Variants in PLEKHG1 observed in about 807,000 individuals in gnomAD.
PLEKHG1 encodes the protein pleckstrin homology and RhoGEF domain containing G1.
In PLEKHG1, 44 loss-of-function variants were observed where a neutral mutation model predicts 100.8. The observed-to-expected ratio is 0.44, with a 90% CI of 0.34 to 0.56. The LOEUF (loss-of-function observed/expected upper bound fraction) is 0.56. PLEKHG1 is among the 20% of genes least tolerant of loss of function. The pLI is 0.01. For missense variants in PLEKHG1, 1,545 were observed against 1,720.9 expected (o/e 0.90, Z 1.81); for synonymous variants, 640 against 662.5 (o/e 0.97, Z 0.52).
At chr6:150,812,516 C>T (rs147986149) in intron 10 of PLEKHG1, among the ~76,000 whole-genome samples, 9 of 152,134 alleles carry the variant, frequency 5.9e-5, no homozygotes, top group African/African-American at 1.2e-4. Flanking sequence ...AACAGAAAAG[C>T]AGATTTTATA....
chr6:150,689,337 T>C (rs1375205011), intron 3 of PLEKHG1, among the ~76,000 whole-genome samples: 1 of 152,198 alleles, frequency 6.6e-6, no homozygotes, highest in African/African-American at 2.4e-5. Flanking sequence ...TTCAACCTAC[T>C]GGTATTTTTA....
At chr6:150,737,544 G>C (rs940815360) in intron 2 of PLEKHG1, among the ~76,000 whole-genome samples, 1 of 151,900 alleles carries the variant, frequency 6.6e-6, no homozygotes, top group African/African-American at 2.4e-5. Flanking sequence ...CACCCGCCTC[G>C]GCCTCCCAAA....
intron 5 of PLEKHG1, among the ~76,000 whole-genome samples, chr6:150,796,694 G>A (rs1786353232): frequency 6.6e-6 from 1 of 152,080 alleles, no homozygotes; most frequent in South Asian, 2.1e-4. Flanking sequence ...CCCAGTGCCT[G>A]GCCCCTCCTA....
chr6:150,764,163 G>C (rs186492116), intron 2 of PLEKHG1, among the ~76,000 whole-genome samples: 90 of 148,076 alleles, frequency 6.1e-4, no homozygotes, highest in African/African-American at 2.3e-3. Flanking sequence ...TGTTGCCCAG[G>C]CTGGAGTGCA....
chr6:150,669,781 A>G (rs1779524053), intron 3 of PLEKHG1, among the ~76,000 whole-genome samples: 1 of 151,790 alleles, frequency 6.6e-6, no homozygotes, highest in African/African-American at 2.4e-5. Context: ...TATTTTTAGT[A>G]GAGACAGGGT....
chr6:150,805,689 G>A (rs567689572), intron 7 of PLEKHG1, among the ~76,000 whole-genome samples: 5 of 152,054 alleles, frequency 3.3e-5, no homozygotes, highest in East Asian at 3.9e-4. Flanking sequence ...CACCACGCCC[G>A]GCTCATTTTG....
intron 3 of PLEKHG1, among the ~76,000 whole-genome samples, chr6:150,774,531 ATTTTTTTTTT>A (rs61521577): frequency 2.3e-4 from 20 of 87,110 alleles, no homozygotes; most frequent in African/African-American, 6.8e-4. Flanking sequence ...ATTAGTTTGA[ATTTTTTTTTT>A]TTTTTTTTTT....
intron 2 of PLEKHG1, among the ~76,000 whole-genome samples, chr6:150,765,465 G>T (rs759002238): frequency 6.6e-6 from 1 of 150,780 alleles, no homozygotes; most frequent in Non-Finnish European, 1.5e-5. Context: ...CTGCACTCCA[G>T]CTTGGGTGAC....
At chr6:150,682,136 C>A (rs1423154985) in intron 3 of PLEKHG1, among the ~76,000 whole-genome samples, 1 of 152,164 alleles carries the variant, frequency 6.6e-6, no homozygotes, top group Non-Finnish European at 1.5e-5. Context: ...AGCCTCTGTG[C>A]ATGGTGAGGC....
At chr6:150,674,684 C>CCTCTCTCTCTCTCTCTCT (rs1210102843) in intron 3 of PLEKHG1, among the ~76,000 whole-genome samples, 2 of 73,360 alleles carry the variant, frequency 2.7e-5, no homozygotes, top group African/African-American at 1.2e-4. Context: ...TCTCTCTCTC[C>CCTCTCTCTCTCTCTCTCT]CCCCTCTTCT....
At chr6:150,639,026 C>A (rs892598904) in intron 2 of PLEKHG1, among the ~76,000 whole-genome samples, 4 of 152,118 alleles carry the variant, frequency 2.6e-5, no homozygotes, top group Non-Finnish European at 4.4e-5. Flanking sequence ...TCTTCACTTC[C>A]TCTGGAAAGC....
intron 10 of PLEKHG1, among the ~76,000 whole-genome samples, chr6:150,811,949 A>G (rs1583179490): frequency 6.6e-6 from 1 of 152,204 alleles, no homozygotes; most frequent in South Asian, 2.1e-4. Flanking sequence ...ACCCACCACC[A>G]TGGCCTAGAA....
rs1363560764 is a variant in PLEKHG1, at chr6:150,683,454, G to C, written c.-99+32668G>C. ...GTTGAGCTGCTTCCCTTTGCATCTC[G>C]GGGGAAGGTGTGGTTCACCCGCAGC... On this transcript the variant is annotated intron_variant, in intron 3 of 3. Transcript: ENST00000367326. The surrounding 1 kb of genome is among the most constrained non-coding windows in gnomAD (Gnocchi z 4.0). Among the ~76,000 whole-genome samples the C allele has an allele frequency of 6.6e-6, 1 of 151,980 alleles. No individual in the cohort carries two copies.
At chr6:150,676,813 C>G (rs1562429358) in intron 3 of PLEKHG1, among the ~76,000 whole-genome samples, 1 of 152,326 alleles carries the variant, frequency 6.6e-6, no homozygotes, top group Non-Finnish European at 1.5e-5. Context: ...ACCCACCACC[C>G]TATAACCAAC....
chr6:150,656,278 T>TA (rs895694984), intron 3 of PLEKHG1, among the ~76,000 whole-genome samples: 27 of 149,782 alleles, frequency 1.8e-4, no homozygotes, highest in Middle Eastern at 3.4e-3. Context: ...GATATGAGTT[T>TA]AAAAAAAAAA....
intron 1 of PLEKHG1, among the ~76,000 whole-genome samples, chr6:150,630,881 G>T (rs62434104): frequency 6.2e-4 from 94 of 152,214 alleles, no homozygotes; most frequent in African/African-American, 2.2e-3. Context: ...AAAGCCAGGA[G>T]CCCATGGCTT....
rs187235175 is a variant in PLEKHG1, at chr6:150,827,806, A to G, written c.1471-2776A>G. ...CTCCAGCAGTCAGTGGTGAAAACAT[A>G]TGAAGATATGACTTTGGAAGAGCTG... On this transcript the variant is annotated intron_variant, in intron 14 of 15. Coordinates refer to ENST00000358517, the Ensembl canonical transcript of PLEKHG1. 1.5e-5 allele frequency: 22 copies of G among 1,419,894 alleles called. No individual in the cohort carries two copies. In the East Asian group the frequency reaches 4.6e-4, roughly 29 times the overall value. The allele number at this position is 1,419,894 out of a possible 1,614,324, so 88.0% of individuals were successfully genotyped here. A position where few individuals can be genotyped will look rare whatever the true frequency, so the allele number is the denominator to read the frequency against.
chr6:150,818,244 G>A, intron 11 of PLEKHG1, 28 bp downstream of exon 12: 1 of 1,497,902 alleles, frequency 6.7e-7, no homozygotes, highest in South Asian at 1.1e-5. Flanking sequence ...AAAACAATTT[G>A]AAATTTCATT....
intron 3 of PLEKHG1, among the ~76,000 whole-genome samples, chr6:150,706,415 A>G (rs1020452780): frequency 2.0e-5 from 3 of 150,126 alleles, no homozygotes; most frequent in Non-Finnish European, 4.5e-5. Flanking sequence ...GGTGTTTGAG[A>G]CCAGCTGGGC....
Sources: gnomAD v4.1 joint callset for allele counts (sites outside exome capture counted in the v4.1 genomes callset) on GRCh38, gnomAD v4.1.1 for gene constraint, Gnocchi (gnomAD v3.1) non-coding constraint, MANE v1.5 for transcripts, NCBI Gene and HGNC (gene_info 2026-07-23, HGNC 2026-07-21) for gene names.